EML2: variants seen among roughly 807,000 people sequenced by gnomAD.
EML2 encodes the protein echinoderm microtubule-associated protein-like 2.
EML2 carries 59 observed loss-of-function variants against 84.7 expected under a neutral mutation model. The observed-to-expected ratio is 0.70, with a 90% CI of 0.56 to 0.86. EML2 has a LOEUF of 0.86. EML2 is among the 40% of genes least tolerant of loss of function. The pLI is 0.00. For synonymous variants in EML2, 352 were observed against 348.9 expected (o/e 1.01, Z -0.10); for missense variants, 818 against 855.6 (o/e 0.96, Z 0.55).
At chr19:45,616,694 T>C (rs1054859534) in intron 14 of EML2, 71 bp downstream of exon 14, 2 of 1,457,100 alleles carry the variant, frequency 1.4e-6, no homozygotes, top group Non-Finnish European at 1.9e-6. Flanking sequence ...GCTCCACCCC[T>C]CCCCCTGCCA....
At chr19:45,637,227 C>T (rs546992844) in intron 3 of EML2, among the ~76,000 whole-genome samples, 2 of 152,264 alleles carry the variant, frequency 1.3e-5, no homozygotes, top group African/African-American at 4.8e-5. Flanking sequence ...AGACAAGGAC[C>T]GGGTTCCTGG....
intron 11 of EML2, chr19:45,620,833 G>C (rs539530866): frequency 2.7e-6 from 1 of 367,316 alleles, no homozygotes; most frequent in South Asian, 2.1e-5. Context: ...TTTGAGCTTC[G>C]AGAAGAAATG....
At chr19:45,630,209 A>G (rs2122734468) in intron 6 of EML2, among the ~76,000 whole-genome samples, 163 bp from the exon 7 acceptor site, 1 of 152,116 alleles carries the variant, frequency 6.6e-6, no homozygotes, top group East Asian at 1.9e-4. Context: ...AGGCCAGCAT[A>G]GGCAATATAG....
upstream of EML2, chr19:45,643,737 G>T: frequency 6.6e-7 from 1 of 1,525,462 alleles, no homozygotes; most frequent in Non-Finnish European, 8.8e-7. Flanking sequence ...TGCAGCCGCC[G>T]CTCCTCCCTC....
intron 17 of EML2, among the ~76,000 whole-genome samples, 153 bp from the exon 18 acceptor site, chr19:45,613,824 G>A (rs977397485): frequency 1.3e-5 from 2 of 152,168 alleles, no homozygotes; most frequent in African/African-American, 2.4e-5. Context: ...ATGTGAATCC[G>A]AGCCTGCCCC....
chr19:45,645,547 C>T, upstream of EML2: 3 of 1,085,946 alleles, frequency 2.8e-6, no homozygotes, highest in Non-Finnish European at 2.5e-6. Context: ...GCCTGCCAAG[C>T]CCCCCAACAC....
intron 16 of EML2, chr19:45,614,965 A>G (rs1281426447): frequency 5.4e-6 from 2 of 371,294 alleles, no homozygotes; most frequent in South Asian, 2.7e-5. Context: ...CATGAGCCAC[A>G]GCATCTGGCT....
At chr19:45,642,505 A>G, upstream of EML2, 1 of 1,424,808 alleles carries the variant, frequency 7.0e-7, no homozygotes, top group Non-Finnish European at 9.1e-7. Flanking sequence ...GAGCCAAGGA[A>G]GAGGACTCTG....
upstream of EML2, chr19:45,645,437 TC>T: frequency 6.9e-7 from 1 of 1,448,720 alleles, no homozygotes; most frequent in South Asian, 1.4e-5. Flanking sequence ...CGCCCTTCGT[TC>T]CAGCATCCCC....
intron 18 of EML2, 63 bp from the exon 19 acceptor site, chr19:45,609,851 C>A: frequency 1.3e-6 from 2 of 1,567,834 alleles, no homozygotes; most frequent in South Asian, 1.2e-5. Context: ...CCATCATGGT[C>A]CTCTTGTCTT....
At chr19:45,630,120 G>A (rs1197822350) in intron 6 of EML2, 74 bp from the exon 7 acceptor site, 2 of 1,085,442 alleles carry the variant, frequency 1.8e-6, no homozygotes, top group East Asian at 2.4e-5. Context: ...GCCCACCAAG[G>A]CATTCACCAC....
intron 6 of EML2, 118 bp downstream of exon 6, chr19:45,632,743 C>T: frequency 1.2e-6 from 1 of 833,888 alleles, no homozygotes; most frequent in South Asian, 1.7e-5. Flanking sequence ...GTCACAGAGG[C>T]GGGCCACGCC....
At chr19:45,637,802 G>A (rs368191516) in intron 3 of EML2, among the ~76,000 whole-genome samples, 1 of 149,912 alleles carries the variant, frequency 6.7e-6, no homozygotes, top group African/African-American at 2.5e-5. Context: ...TCAGTCTCCC[G>A]AGTAGCTAGG....
chr19:45,631,514 G>A (rs996060070), intron 6 of EML2, among the ~76,000 whole-genome samples: 2 of 152,028 alleles, frequency 1.3e-5, no homozygotes, highest in Non-Finnish European at 2.9e-5. Context: ...CGCCTCCCAG[G>A]TTCAAGTGAC....
upstream of EML2, among the ~76,000 whole-genome samples, chr19:45,639,628 C>T (rs1443648521): frequency 6.6e-6 from 1 of 152,170 alleles, no homozygotes; most frequent in Non-Finnish European, 1.5e-5. Context: ...AACCCCAGTT[C>T]TGCTAATTCC....
In EML2 at chr19:45,621,528, C is replaced by A; in HGVS notation, c.951G>T (p.Arg317=). Residue 317 remains arginine (R), a synonymous_variant, in exon 10 of 19, where the codon CGG becomes CGT. Transcript: ENST00000245925. The stretch of plus-strand genomic sequence containing the variant: ...TGTAGTCAGAACCCCAGAGGACCAC[C>A]CGCCGATCACGGCCCCCTCCAGACA... ...TLVSGGGRDR[R]VVLWGSDYSK... The A allele has an allele frequency of 6.2e-7, 1 of 1,612,822 alleles. No individual in the cohort carries two copies. The highest frequency in any genetic ancestry group is 8.5e-7 in the Non-Finnish European group (1 of 1,179,992).
chr19:45,611,326 G>A (rs891880563), intron 18 of EML2, among the ~76,000 whole-genome samples: 1 of 151,056 alleles, frequency 6.6e-6, no homozygotes, highest in African/African-American at 2.4e-5. Flanking sequence ...CAGGAGAATC[G>A]CTTGAACCCA....
At position 45,632,954 on chromosome 19, in the gene EML2, C is replaced by T; in HGVS notation, c.417G>A (p.Val139=). The T allele has an allele frequency of 6.2e-7, 1 of 1,614,176 alleles. No individual in the cohort carries two copies. The highest frequency in any genetic ancestry group is 8.5e-7 in the Non-Finnish European group (1 of 1,180,016). The change falls in exon 6 of 19, where the codon GTG becomes GTA. Residue 139 remains valine, a synonymous_variant. Coordinates refer to ENST00000245925, the MANE Select transcript of EML2 (RefSeq NM_012155.4). ...AGAGGGAAACTGAGTCCCAGATGCGCACGTGGGGCGGCAGCGGCTGCAGGG... is the reference window on the plus strand; with the variant it reads ...AGAGGGAAACTGAGTCCCAGATGCGTACGTGGGGCGGCAGCGGCTGCAGGG... ...TKEGKPLPPH[V]RIWDSVSLST...
chr19:45,645,407 G>A, upstream of EML2: 1 of 1,479,290 alleles, frequency 6.8e-7, no homozygotes. Flanking sequence ...ACCAGGCCCT[G>A]CCTCCCGTTG....
Sources: gnomAD v4.1 joint callset for allele counts (sites outside exome capture counted in the v4.1 genomes callset) on GRCh38, gnomAD v4.1.1 for gene constraint, MANE v1.5 for transcripts, NCBI Gene and HGNC (gene_info 2026-07-23, HGNC 2026-07-21) for gene names.